The following KIAA1217 variants were observed in gnomAD, a reference collection of about 807,000 sequenced individuals.
KIAA1217 encodes the protein KIAA1217, also known as sickle tail protein homolog.
KIAA1217 carries 88 observed loss-of-function variants against 163.9 expected under a neutral mutation model. The observed-to-expected ratio is 0.54, with a 90% CI of 0.45 to 0.64. KIAA1217 has a LOEUF of 0.64. Ranked by LOEUF, KIAA1217 falls within the 30% of genes least tolerant of loss-of-function variation. The pLI is 0.00. For synonymous variants in KIAA1217, 903 were observed against 923.1 expected, an observed-to-expected ratio of 0.98 and a Z score of 0.39; for missense variants, 2,372 against 2,475.0, an observed-to-expected ratio of 0.96 and a Z score of 0.88.
chr10:23,852,123 T>C (rs1839373752), intron 1 of KIAA1217, among the ~76,000 whole-genome samples: 1 of 152,216 alleles, frequency 6.6e-6, no homozygotes, highest in Admixed American at 6.5e-5. Context: ...GCCTAGGTTT[T>C]CTTCTAGGGT....
chr10:24,087,989 A>G (rs1589444801), intron 2 of KIAA1217, among the ~76,000 whole-genome samples: 1 of 91,252 alleles, frequency 1.1e-5, no homozygotes, highest in African/African-American at 2.7e-5. Flanking sequence ...AAGTTAGTGG[A>G]CCATCCATTG....
rs76419503 is a variant in KIAA1217 at position 24,415,892 on chromosome 10, C to T, written c.554-17103C>T. Reference sequence around the variant, plus strand: ...AGACAAGGCTGCCAGCAGATCCACACCCTGTGGCGTGGGCCTGAGGACGTG... The same window carrying T: ...AGACAAGGCTGCCAGCAGATCCACATCCTGTGGCGTGGGCCTGAGGACGTG... On this transcript the variant is annotated intron_variant, in intron 3 of 20. Coordinates refer to ENST00000376454, the MANE Select transcript of KIAA1217 (RefSeq NM_019590.5). Among the ~76,000 whole-genome samples, 5 of 152,328 alleles carry T rather than the reference C, an allele frequency of 3.3e-5. No individual in the cohort carries two copies. The East Asian group carries it at 9.7e-4, about 29-fold the overall frequency.
chr10:24,100,674 TCAA>T (rs2062376812), intron 2 of KIAA1217, among the ~76,000 whole-genome samples: 1 of 152,240 alleles, frequency 6.6e-6, no homozygotes, highest in Non-Finnish European at 1.5e-5. Context: ...ATAAATATTA[TCAA>T]CTTTTCCCTT....
At chr10:23,771,036 G>A (rs550077485) in intron 1 of KIAA1217, among the ~76,000 whole-genome samples, 12 of 152,188 alleles carry the variant, frequency 7.9e-5, no homozygotes, top group Admixed American at 1.3e-4. Flanking sequence ...TCAAGATCTT[G>A]GAAGCTGTAA....
intron 5 of KIAA1217, among the ~76,000 whole-genome samples, chr10:24,439,651 T>C (rs1183510283): frequency 2.4e-5 from 2 of 83,624 alleles, no homozygotes; most frequent in African/African-American, 7.6e-5. Context: ...GAATCTTTTC[T>C]TTTTTTTTTT....
chr10:24,243,371 G>A (rs965002259), intron 2 of KIAA1217, among the ~76,000 whole-genome samples: 3 of 151,984 alleles, frequency 2.0e-5, no homozygotes, highest in South Asian at 4.2e-4. Flanking sequence ...TATTCAACTA[G>A]TGAACATCAT....
chr10:23,969,316 T>C (rs1365176756), intron 1 of KIAA1217, among the ~76,000 whole-genome samples: 1 of 152,214 alleles, frequency 6.6e-6, no homozygotes, highest in Non-Finnish European at 1.5e-5. Context: ...ATTATAGGCA[T>C]GAGCCACCGC....
Position 24,513,395 on chromosome 10 carries a change from A to C in KIAA1217, c.2138A>C (p.Lys713Thr). 2 of 1,614,158 alleles carry C rather than the reference A, an allele frequency of 1.2e-6. No individual in the cohort carries two copies. Among genetic ancestry groups the C allele is most frequent in the Non-Finnish European group, 1.7e-6 (2 of 1,180,010 alleles). Residue 713 changes from lysine (K) to threonine (T), a missense_variant, in exon 10 of 21, where the codon AAA becomes ACA. Physicochemically the swap from Lys to Thr is moderately conservative, Grantham distance 78 (BLOSUM62 -1). Coordinates refer to ENST00000376454, the MANE Select transcript of KIAA1217 (RefSeq NM_019590.5). Reference sequence around the variant, plus strand: ...GTCCTAGTGGAGCAAGAGAGACAAAAATATCTTCATGAGGAAGAGAAGATC... The same window carrying C: ...GTCCTAGTGGAGCAAGAGAGACAAACATATCTTCATGAGGAAGAGAAGATC... ...QRVLVEQERQ[K>T]YLHEEEKIVK...
chr10:23,859,101 T>C (rs61174887), intron 1 of KIAA1217, among the ~76,000 whole-genome samples: 1 of 152,150 alleles, frequency 6.6e-6, no homozygotes, highest in Non-Finnish European at 1.5e-5. Flanking sequence ...ACATGTAATG[T>C]GTGTGTGAAC....
At chr10:24,044,925 C>T (rs1848890693) in intron 2 of KIAA1217, among the ~76,000 whole-genome samples, 1 of 152,068 alleles carries the variant, frequency 6.6e-6, no homozygotes, top group African/African-American at 2.4e-5. Context: ...AGTTCTTCTG[C>T]CCTGCTCTTT....
At chr10:24,307,208 C>A (rs144282911) in intron 2 of KIAA1217, among the ~76,000 whole-genome samples, 9 of 152,272 alleles carry the variant, frequency 5.9e-5, no homozygotes, top group African/African-American at 2.2e-4. Flanking sequence ...TTTTGGAAAC[C>A]TTGACTGACT....
At chr10:24,367,290 A>G (rs2050918279) in intron 2 of KIAA1217, 1 of 333,510 alleles carries the variant, frequency 3.0e-6, no homozygotes, top group South Asian at 1.2e-4. Context: ...AATCAGTGTC[A>G]GCCACTAACG....
At chr10:23,914,699 C>T (rs555824321) in intron 1 of KIAA1217, among the ~76,000 whole-genome samples, 8 of 152,280 alleles carry the variant, frequency 5.3e-5, no homozygotes, top group African/African-American at 1.4e-4. Context: ...ATCCTCCCTC[C>T]CCTCTTTCAC....
intron 17 of KIAA1217, among the ~76,000 whole-genome samples, chr10:24,538,567 A>T (rs2074404675): frequency 2.2e-5 from 1 of 46,370 alleles, no homozygotes; most frequent in Admixed American, 2.1e-4. Context: ...GGAGGGAGGG[A>T]GGAAGGAAGG....
chr10:24,118,385 C>G (rs1247790414), intron 2 of KIAA1217, among the ~76,000 whole-genome samples: 1 of 152,138 alleles, frequency 6.6e-6, no homozygotes, highest in Non-Finnish European at 1.5e-5. Flanking sequence ...CATTGCTGAG[C>G]TGATTCTGCT....
At chr10:23,958,288 G>C (rs976580844) in intron 1 of KIAA1217, among the ~76,000 whole-genome samples, 4 of 152,184 alleles carry the variant, frequency 2.6e-5, no homozygotes, top group African/African-American at 9.7e-5. Flanking sequence ...TAGCAGACTG[G>C]GTGCAGGTGG....
intron 1 of KIAA1217, among the ~76,000 whole-genome samples, chr10:23,926,173 T>C (rs902146255): frequency 6.6e-6 from 1 of 152,052 alleles, no homozygotes; most frequent in Non-Finnish European, 1.5e-5. Context: ...CCCTGTTCCT[T>C]AATTAGATTC....
At chr10:24,267,409 C>A (rs2076337825) in intron 2 of KIAA1217, among the ~76,000 whole-genome samples, 1 of 152,100 alleles carries the variant, frequency 6.6e-6, no homozygotes, top group Non-Finnish European at 1.5e-5. Context: ...GTAAGGGAAC[C>A]TAGAAAAAGT....
At chr10:24,540,871 C>T (rs913957680) in intron 17 of KIAA1217, among the ~76,000 whole-genome samples, 1 of 152,072 alleles carries the variant, frequency 6.6e-6, no homozygotes, top group African/African-American at 2.4e-5. Context: ...CAGGTTCAAG[C>T]GATTCTCCTG....
Sources: allele counts gnomAD v4.1 joint callset (sites outside exome capture counted in the v4.1 genomes callset), GRCh38; gene constraint gnomAD v4.1.1; transcripts MANE v1.5; gene names NCBI Gene and HGNC (gene_info 2026-07-23, HGNC 2026-07-21).